EXOC4: variants seen among roughly 807,000 people sequenced by gnomAD.
The protein encoded by EXOC4 is exocyst complex component 4.
EXOC4 carries 71 observed loss-of-function variants against 107.2 expected under a neutral mutation model. That is an observed-to-expected ratio of 0.66 (90% confidence interval 0.55 to 0.81). The LOEUF is 0.81. Among genes scored for constraint, EXOC4 ranks in the 30% least tolerant of loss-of-function variants. EXOC4 has a pLI of 0.00. For missense variants in EXOC4, 1,108 were observed against 1,189.6 expected, an observed-to-expected ratio of 0.93 and a Z score of 1.01; for synonymous variants, 456 against 441.2, an observed-to-expected ratio of 1.03 and a Z score of -0.42.
intron 10 of EXOC4, among the ~76,000 whole-genome samples, chr7:133,775,531 T>A (rs1796327688): frequency 6.6e-6 from 1 of 152,234 alleles, no homozygotes; most frequent in Non-Finnish European, 1.5e-5. Flanking sequence ...ATTAGTTTTA[T>A]CTGCCAAATA....
chr7:133,985,611 G>A (rs1237026717), intron 14 of EXOC4, among the ~76,000 whole-genome samples: 2 of 152,152 alleles, frequency 1.3e-5, no homozygotes, highest in African/African-American at 4.8e-5. Context: ...TTTCTCGTAA[G>A]ACTCTTAACC....
rs77850574 is a variant in EXOC4 at position 134,007,329 on chromosome 7, A to T, written c.2528-347A>T. On this transcript the variant is annotated intron_variant, in intron 16 of 17. Coordinates refer to ENST00000253861, the MANE Select transcript of EXOC4 (RefSeq NM_021807.4). ...GGTCTTCTCTGCTTCCCAATTGTGT[A>T]TAAAGAAAAGCGGGATTTCCTGTGT... Among the ~76,000 whole-genome samples, 3 of 152,152 alleles carry T rather than the reference A, an allele frequency of 2.0e-5. No individual in the cohort carries two copies. In the East Asian group the frequency reaches 5.8e-4, roughly 29 times the overall value.
chr7:133,444,966 C>T (rs922888333), intron 7 of EXOC4, among the ~76,000 whole-genome samples: 4 of 152,022 alleles, frequency 2.6e-5, no homozygotes, highest in African/African-American at 4.8e-5. Context: ...ATTAACAACA[C>T]GTAAGATTCT....
chr7:133,369,800 C>CTTTTTTTTTT (rs35258276), intron 6 of EXOC4, among the ~76,000 whole-genome samples: 2 of 86,640 alleles, frequency 2.3e-5, no homozygotes, highest in Non-Finnish European at 4.3e-5. Context: ...ACTAGATTTC[C>CTTTTTTTTTT]TTTTTTTTTT....
intron 7 of EXOC4, among the ~76,000 whole-genome samples, chr7:133,389,397 C>G (rs2150713543): frequency 6.6e-6 from 1 of 151,632 alleles, no homozygotes; most frequent in African/African-American, 2.4e-5. Flanking sequence ...ATGGTGAAAC[C>G]CTGTCTCTAC....
At chr7:133,965,080 G>C (rs1187293249) in intron 14 of EXOC4, among the ~76,000 whole-genome samples, 1 of 152,202 alleles carries the variant, frequency 6.6e-6, no homozygotes, top group African/African-American at 2.4e-5. Context: ...CTAATGACCA[G>C]TGATGATGAG....
intron 11 of EXOC4, among the ~76,000 whole-genome samples, chr7:133,846,342 A>G (rs986031447): frequency 3.9e-5 from 6 of 152,188 alleles, no homozygotes; most frequent in Non-Finnish European, 5.9e-5. Context: ...TCACAGGCCA[A>G]CCTGAAGTTA....
At chr7:133,276,788 GT>G (rs1317546142) in intron 2 of EXOC4, among the ~76,000 whole-genome samples, 1 of 152,098 alleles carries the variant, frequency 6.6e-6, no homozygotes, top group Non-Finnish European at 1.5e-5. Flanking sequence ...TTCATGTTTT[GT>G]TTTCTGTCCA....
At chr7:133,945,743 A>G (rs1317437756) in intron 14 of EXOC4, among the ~76,000 whole-genome samples, 1 of 152,164 alleles carries the variant, frequency 6.6e-6, no homozygotes, top group Non-Finnish European at 1.5e-5. Context: ...CATGTTTTTT[A>G]TGCATTCCCG....
intron 9 of EXOC4, among the ~76,000 whole-genome samples, chr7:133,489,516 C>G (rs574513752): frequency 6.6e-6 from 1 of 152,118 alleles, no homozygotes; most frequent in Non-Finnish European, 1.5e-5. Context: ...AGTACTGTAC[C>G]TTAAGTCGTC....
intron 7 of EXOC4, among the ~76,000 whole-genome samples, chr7:133,454,048 A>C (rs1287194466): frequency 1.3e-5 from 2 of 152,202 alleles, no homozygotes; most frequent in African/African-American, 4.8e-5. Flanking sequence ...ATTTATGATT[A>C]AGTTTTAAAT....
At chr7:133,955,741 C>A (rs1312651157) in intron 14 of EXOC4, among the ~76,000 whole-genome samples, 3 of 152,242 alleles carry the variant, frequency 2.0e-5, no homozygotes, top group Non-Finnish European at 4.4e-5. Context: ...GCCCTCAGCA[C>A]CCCATCTGCC....
At chr7:133,801,680 C>T (rs957914635) in intron 10 of EXOC4, among the ~76,000 whole-genome samples, 5 of 152,174 alleles carry the variant, frequency 3.3e-5, no homozygotes, top group East Asian at 1.9e-4. Flanking sequence ...AATTATTCTT[C>T]GACTTCTGTC....
intron 11 of EXOC4, among the ~76,000 whole-genome samples, chr7:133,894,268 TTTCAGCTCC>T (rs1156437801): frequency 1.3e-5 from 1 of 76,756 alleles, no homozygotes. Flanking sequence ...GAGCCTTGGT[TTTCAGCTCC>T]ATCAGCTCCT....
chr7:133,629,880 G>A (rs1802547896), intron 9 of EXOC4, among the ~76,000 whole-genome samples, 165 bp from the exon 10 acceptor site: 2 of 152,050 alleles, frequency 1.3e-5, no homozygotes. Context: ...TTCAAGTGAG[G>A]AAGACCAGAT....
chr7:133,807,567 A>T (rs532875049), intron 10 of EXOC4, among the ~76,000 whole-genome samples: 1 of 151,990 alleles, frequency 6.6e-6, no homozygotes, highest in Non-Finnish European at 1.5e-5. Context: ...TTTCTTGGAA[A>T]TTTTTCTGAC....
chr7:133,877,136 A>G (rs1798867481), intron 11 of EXOC4, among the ~76,000 whole-genome samples: 1 of 150,242 alleles, frequency 6.7e-6, no homozygotes, highest in Non-Finnish European at 1.5e-5. Flanking sequence ...AATAGTTTCT[A>G]TTGCTGTGTC....
intron 9 of EXOC4, among the ~76,000 whole-genome samples, chr7:133,568,291 AT>A (rs1241802333): frequency 6.6e-6 from 1 of 150,756 alleles, no homozygotes; most frequent in Non-Finnish European, 1.5e-5. Flanking sequence ...TGAGCTTCCA[AT>A]TTTTTTCCCA....
At chr7:133,649,756 G>T (rs535669930) in intron 10 of EXOC4, among the ~76,000 whole-genome samples, 3 of 152,230 alleles carry the variant, frequency 2.0e-5, no homozygotes, top group Admixed American at 6.5e-5. Flanking sequence ...ACTGCTGCCT[G>T]ATAGTGGCTT....
Sources: allele counts gnomAD v4.1 joint callset (sites outside exome capture counted in the v4.1 genomes callset), GRCh38; gene constraint gnomAD v4.1.1; transcripts MANE v1.5; gene names NCBI Gene and HGNC (gene_info 2026-07-23, HGNC 2026-07-21).